The following MRPL9 variants were observed in gnomAD, a reference collection of about 807,000 sequenced individuals.
MRPL9 encodes the protein large ribosomal subunit protein bL9m.
Under a neutral mutation model 27.6 loss-of-function variants are expected in MRPL9, and 25 were observed. The observed-to-expected ratio is 0.91, with a 90% CI of 0.66 to 1.27. The LOEUF is 1.27. Among genes scored for constraint, MRPL9 ranks in the 50% most tolerant of loss-of-function variants. The probability of loss-of-function intolerance (pLI) is 0.00; values close to 1 mark genes in which losing one functional copy is unlikely to be tolerated. For missense variants in MRPL9, 362 were observed against 338.0 expected, an observed-to-expected ratio of 1.07 and a Z score of -0.56; for synonymous variants, 154 against 139.0, an observed-to-expected ratio of 1.11 and a Z score of -0.76.
In MRPL9 at chr1:151,759,906, C is replaced by A. The variant is rs1248612593; in HGVS notation, c.*144G>T. On this transcript the variant is annotated 3_prime_UTR_variant, in exon 7 of 7. Transcript: ENST00000368830. ...AAGATGGCAAAAATGAAGAATTCAA[C>A]ATGTATACGCAGTGCAGTCTGATGT... is the stretch of plus-strand genomic sequence containing the variant. 3 of 1,055,014 alleles carry A rather than the reference C, an allele frequency of 2.8e-6. No individual in the cohort carries two copies. Among genetic ancestry groups the A allele is most frequent in the Non-Finnish European group, 3.9e-6 (3 of 764,856 alleles). 65.4% of individuals were successfully genotyped at this position (1,055,014 alleles called of 1,614,324 possible). A position where few individuals can be genotyped will look rare whatever the true frequency, so the allele number is the denominator to read the frequency against.
At chr1:151,762,203 C>T (rs1309698505) in intron 3 of MRPL9, 48 bp from the exon 4 acceptor site, 2 of 1,597,914 alleles carry the variant, frequency 1.3e-6, no homozygotes, top group Non-Finnish European at 1.7e-6. Context: ...AAAATGAGCC[C>T]ATGTTAAATA....
At position 151,760,115 on chromosome 1, in the gene MRPL9, T is replaced by TTTTG. The variant is rs763381838; in HGVS notation, c.735_738dup (p.Arg247GlnfsTer4). On this transcript the variant is annotated frameshift_variant, in exon 7 of 7. Transcript: ENST00000368830. LOFTEE classifies it low-confidence loss of function (END_TRUNC). Reference sequence around the variant, plus strand: ...TGCTGGGCTAACCAGTACTTATATCTTTTGGTCTTGGGCTTCTCAAAGTTC... The same window carrying TTTTG: ...TGCTGGGCTAACCAGTACTTATATCTTTTGTTTGGTCTTGGGCTTCTCAAAGTTC... 1.9e-6 allele frequency: 3 copies of TTTTG among 1,614,160 alleles called. No homozygotes were observed. Among genetic ancestry groups the TTTTG allele is most frequent in the South Asian group, 2.2e-5 (2 of 91,082 alleles).
chr1:151,760,066 GT>G lies in MRPL9; in HGVS notation c.787del (p.Thr263ProfsTer55), dbSNP rs770358503. 3.2e-5 allele frequency: 52 copies of G among 1,614,040 alleles called. No individual in the cohort carries two copies. The African/African-American group carries it at 6.3e-4, about 19-fold the overall frequency. Reference protein sequence around the residue: ...AQQAAKAMAPTSPQI With the variant: ...AQQAAKAMAPXSPQI ...AGAGTAGATTTAGATCTGGGGGCTG[GT>G]GGGGGCCATAGCCTTGGCAGCTTGC... On this transcript the variant is annotated frameshift_variant, in exon 7 of 7. Coordinates refer to ENST00000368830, the MANE Select transcript of MRPL9 (RefSeq NM_031420.4). LOFTEE classifies it high-confidence loss of function.
intron 4 of MRPL9, 103 bp downstream of exon 4, chr1:151,762,002 C>T: frequency 1.7e-6 from 2 of 1,168,736 alleles, no homozygotes; most frequent in Non-Finnish European, 1.3e-6. Context: ...CTTTCTCCCA[C>T]TCTTGGGTCT....
At chr1:151,761,587 G>T in intron 4 of MRPL9, 35 bp from the exon 5 acceptor site, 1 of 1,500,640 alleles carries the variant, frequency 6.7e-7, no homozygotes, top group Non-Finnish European at 9.3e-7. Context: ...CAAAGGAGAG[G>T]AAACATGTCA....
In MRPL9 at chr1:151,759,808, C is replaced by G. The variant is rs1647978862; in HGVS notation, c.*242G>C. The G allele has an allele frequency of 2.2e-6, 1 of 445,382 alleles. No homozygotes were observed. Among genetic ancestry groups the G allele is most frequent in the Non-Finnish European group, 3.9e-6 (1 of 259,246 alleles). 27.6% of individuals were successfully genotyped at this position (445,382 alleles called of 1,614,324 possible). ...ACAGGTTTTGGATGGTTTCGGTCTA[C>G]TGCATCTAGCTTATCAAATCTACAG... On this transcript the variant is annotated 3_prime_UTR_variant, in exon 7 of 7. Transcript: ENST00000368830.
rs144864226 is a variant in MRPL9, at chr1:151,760,015, C to T, written c.*35G>A. 53 of 1,606,182 alleles carry T rather than the reference C, an allele frequency of 3.3e-5. No homozygotes were observed. In the African/African-American group the frequency reaches 3.9e-4, roughly 12 times the overall value. ...TTGCACATTTCTGCTCCACTGCTCC[C>T]GATTCTGCTTTGCTGCCTTGGAGGG... On this transcript the variant is annotated 3_prime_UTR_variant, in exon 7 of 7. Coordinates refer to ENST00000368830, the MANE Select transcript of MRPL9 (RefSeq NM_031420.4).
Position 151,760,025 on chromosome 1 carries a change from T to C in MRPL9, c.*25A>G, listed in dbSNP as rs1485332926. On this transcript the variant is annotated 3_prime_UTR_variant, in exon 7 of 7. Transcript: ENST00000368830. ...CTGCTCCACTGCTCCCGATTCTGCT[T>C]TGCTGCCTTGGAGGGAGAGTAGATT... 6.2e-7 allele frequency: 1 copy of C among 1,608,954 alleles called. No homozygotes were observed. The highest frequency in any genetic ancestry group is 8.5e-7 in the Non-Finnish European group (1 of 1,176,892).
chr1:151,760,288 A>C, intron 6 of MRPL9, 107 bp from the exon 7 acceptor site: 4 of 1,451,458 alleles, frequency 2.8e-6, no homozygotes, highest in Non-Finnish European at 3.8e-6. Context: ...CAGAAAAAGG[A>C]GAGCTAGGGC....
chr1:151,762,328 A>AAAG (rs1433152789), intron 3 of MRPL9, 48 bp downstream of exon 3: 1 of 1,610,772 alleles, frequency 6.2e-7, no homozygotes, highest in Non-Finnish European at 8.5e-7. Flanking sequence ...CTGCAAGAGA[A>AAAG]AAGAAGTTTT....
chr1:151,760,287 G>A (rs1229581681), intron 6 of MRPL9, 106 bp from the exon 7 acceptor site: 68 of 1,451,034 alleles, frequency 4.7e-5, no homozygotes, highest in Non-Finnish European at 5.0e-5. Context: ...TCAGAAAAAG[G>A]AGAGCTAGGG....
In MRPL9 at chr1:151,759,788, T is replaced by G. The variant is rs765527668; in HGVS notation, c.*262A>C. The G allele has an allele frequency of 2.8e-6, 1 of 362,812 alleles. No individual in the cohort carries two copies. The highest frequency in any genetic ancestry group is 4.9e-6 in the Non-Finnish European group (1 of 204,490). 22.5% of individuals were successfully genotyped at this position (362,812 alleles called of 1,614,324 possible). On this transcript the variant is annotated 3_prime_UTR_variant, in exon 7 of 7. Transcript: ENST00000368830. Reference sequence around the variant, plus strand: ...CCAATGGAGGAAGAAGCTAAACAGGTTTTGGATGGTTTCGGTCTACTGCAT... The same window carrying G: ...CCAATGGAGGAAGAAGCTAAACAGGGTTTGGATGGTTTCGGTCTACTGCAT...
At chr1:151,760,928 C>T (rs1285282523) in intron 5 of MRPL9, 29 bp from the exon 6 acceptor site, 3 of 684,518 alleles carry the variant, frequency 4.4e-6, no homozygotes, top group Non-Finnish European at 4.2e-6. Context: ...AAAAAAAAAT[C>T]TCAGCTCAAA....
At chr1:151,760,552 G>C (rs996208442) in intron 6 of MRPL9, among the ~76,000 whole-genome samples, 2 of 139,722 alleles carry the variant, frequency 1.4e-5, no homozygotes, top group African/African-American at 5.4e-5. Flanking sequence ...ACTCCAGTCT[G>C]GGCAACAGAG....
In MRPL9 at chr1:151,763,087, C is replaced by A; in HGVS notation, c.213G>T (p.Pro71=). The change falls in exon 2 of 7, where the codon CCG becomes CCT. Residue 71 remains proline (P), a synonymous_variant. Coordinates refer to ENST00000368830, the MANE Select transcript of MRPL9 (RefSeq NM_031420.4). The part of the protein sequence containing the change: ...KVPLAGEGRK[P]RLHRRHRVYK... The stretch of plus-strand genomic sequence containing the variant: ...AGACGCGATGTCGCCGGTGCAGGCG[C>A]GGCTTCCGGCCCTCCCCGGCCAGCG... 6.2e-7 allele frequency: 1 copy of A among 1,614,060 alleles called. No homozygotes were observed.
rs1648080550 is a variant in MRPL9, at chr1:151,761,515, C to T, written c.524G>A (p.Gly175Glu). The T allele has an allele frequency of 6.2e-7, 1 of 1,613,960 alleles. No individual in the cohort carries two copies. The highest frequency in any genetic ancestry group is 2.2e-5 in the East Asian group (1 of 44,878). ...KFLKSCRLEVGMKNNVKWELN... is the reference protein window; with the variant it reads ...KFLKSCRLEVEMKNNVKWELN... The stretch of plus-strand genomic sequence containing the variant: ...CTCCCATTTGACATTGTTCTTCATC[C>T]CTACCTCCAGGCGACAGCTTTTTAG... The change falls in exon 5 of 7, where the codon GGG (glycine) becomes GAG (glutamate). Residue 175 changes from glycine to glutamate, a missense_variant. Transcript: ENST00000368830.
At chr1:151,761,384 C>G (rs1571961417) in intron 5 of MRPL9, 67 bp downstream of exon 5, 1 of 1,096,824 alleles carries the variant, frequency 9.1e-7, no homozygotes, top group East Asian at 2.3e-5. Flanking sequence ...GGGATCAATC[C>G]CAGGCCTCCT....
chr1:151,762,770 C>T, intron 2 of MRPL9: 1 of 686,324 alleles, frequency 1.5e-6, no homozygotes, highest in Non-Finnish European at 2.4e-6. Context: ...GCTCCTCTCC[C>T]CACACACTGT....
In MRPL9 at chr1:151,762,962, A is replaced by G. The variant is rs370440751; in HGVS notation, c.310+28T>C. On this transcript the variant is annotated intron_variant, in intron 2 of 6. Transcript: ENST00000368830. The stretch of plus-strand genomic sequence containing the variant: ...GCTGATGCCAAACCGGACCAGCCTG[A>G]GAGGAAGCGCCTCGGCCCGGGCCTT... 14 of 1,608,652 alleles carry G rather than the reference A, an allele frequency of 8.7e-6. No homozygotes were observed. The African/African-American group carries it at 1.9e-4, about 22-fold the overall frequency.
Sources: allele counts gnomAD v4.1 joint callset (sites outside exome capture counted in the v4.1 genomes callset), GRCh38; gene constraint gnomAD v4.1.1; transcripts MANE v1.5; gene names NCBI Gene and HGNC (gene_info 2026-07-23, HGNC 2026-07-21).